The following ABCA13 variants were observed in gnomAD, a reference collection of about 807,000 sequenced individuals.
The protein encoded by ABCA13 is ATP binding cassette subfamily A member 13.
Under a neutral mutation model 478.7 loss-of-function variants are expected in ABCA13, and 476 were observed. The ratio of observed to expected loss-of-function variants is 0.99; its 90% CI spans 0.92 to 1.07. The LOEUF is 1.07. ABCA13 is among the 50% of genes least tolerant of loss of function. The pLI, the probability that ABCA13 is intolerant of heterozygous loss-of-function variation, is 0.00. For missense variants in ABCA13, 6,060 were observed against 5,910.6 expected (o/e 1.03, Z -0.83); for synonymous variants, 2,252 against 2,158.9 (o/e 1.04, Z -1.20).
chr7:48,408,148 C>A (rs1001322237), intron 39 of ABCA13, among the ~76,000 whole-genome samples: 5 of 152,174 alleles, frequency 3.3e-5, no homozygotes, highest in African/African-American at 7.2e-5. Flanking sequence ...ACTGTAGTCA[C>A]CATGCTGTAC....
At chr7:48,255,838 G>T (rs1336672061) in intron 15 of ABCA13, among the ~76,000 whole-genome samples, 1 of 152,150 alleles carries the variant, frequency 6.6e-6, no homozygotes, top group Admixed American at 6.6e-5. Flanking sequence ...TAATGGGACT[G>T]CTGGGTCAAA....
At position 48,495,599 on chromosome 7, in the gene ABCA13, A is replaced by G. The variant is rs115260041; in HGVS notation, c.13291+6255A>G. Among the ~76,000 whole-genome samples, 719 of 152,280 alleles carry G rather than the reference A, an allele frequency of 4.7e-3. 4 individuals are homozygous for G. Among genetic ancestry groups the G allele is most frequent in the African/African-American group, 0.016 (678 of 41,560 alleles). ...TCCATATCTTCACTGATCATTGAAG[A>G]TTACTGAACCTTCACTGAAGATCAT... is the stretch of plus-strand genomic sequence containing the variant. On this transcript the variant is annotated intron_variant, in intron 48 of 61. Transcript: ENST00000435803.
At chr7:48,290,940 GAAAAA>G (rs57470116) in intron 20 of ABCA13, among the ~76,000 whole-genome samples, 2 of 48,834 alleles carry the variant, frequency 4.1e-5, no homozygotes, top group Non-Finnish European at 9.6e-5. Flanking sequence ...CACACTCAGG[GAAAAA>G]AAAAAAAAAA....
At chr7:48,477,642 A>G (rs1377919901) in intron 45 of ABCA13, among the ~76,000 whole-genome samples, 1 of 151,474 alleles carries the variant, frequency 6.6e-6, no homozygotes, top group East Asian at 2.0e-4. Context: ...TCGCAAGGAC[A>G]AAAAACCAAA....
chr7:48,356,383 A>G (rs558300311), intron 31 of ABCA13, among the ~76,000 whole-genome samples: 1 of 151,234 alleles, frequency 6.6e-6, no homozygotes, highest in Admixed American at 6.6e-5. Context: ...CTTTTGGAAG[A>G]AGTCTTTTTT....
Position 48,427,856 on chromosome 7 carries a change from C to T in ABCA13, c.12550C>T (p.His4184Tyr). Residue 4184 changes from histidine (H) to tyrosine (Y), a missense_variant, in exon 42 of 62, where the codon CAT (histidine) becomes TAT (tyrosine). By Grantham distance (83) the His-to-Tyr change is moderately conservative. This residue lies in a region of ABCA13 where 1,627 missense variants were observed against 1,571.0 expected (regional missense o/e 1.04). Transcript: ENST00000435803. ...GCTGCAGAACCACAGGCCTACAGGA[C>T]ATCTGTCTGGCTACTGTAAGTACAG... is the stretch of plus-strand genomic sequence containing the variant. ...SELQNHRPTG[H>Y]LSGYCGSLAR... 6.2e-7 allele frequency: 1 copy of T among 1,604,418 alleles called. No individual in the cohort carries two copies. Among genetic ancestry groups the T allele is most frequent in the South Asian group, 1.1e-5 (1 of 89,128 alleles).
At chr7:48,285,860 A>T (rs1195246721) in intron 19 of ABCA13, among the ~76,000 whole-genome samples, 1 of 152,228 alleles carries the variant, frequency 6.6e-6, no homozygotes, top group Non-Finnish European at 1.5e-5. Context: ...CTTAAGTGAC[A>T]CATTTTATAT....
intron 15 of ABCA13, among the ~76,000 whole-genome samples, chr7:48,255,902 T>A (rs1442690330): frequency 6.6e-6 from 1 of 152,220 alleles, no homozygotes; most frequent in East Asian, 1.9e-4. Context: ...TTCCACGATG[T>A]TGATCTAATT....
At chr7:48,248,502 C>A in intron 14 of ABCA13, 58 bp downstream of exon 14, 1 of 1,331,538 alleles carries the variant, frequency 7.5e-7, no homozygotes, top group Non-Finnish European at 1.0e-6. Context: ...ATGATTTCAA[C>A]TGCCCCTTCT....
chr7:48,203,010 TG>T (rs1799028927), intron 3 of ABCA13, among the ~76,000 whole-genome samples: 1 of 151,964 alleles, frequency 6.6e-6, no homozygotes, highest in Non-Finnish European at 1.5e-5. Context: ...CCCACGGAGG[TG>T]GGGGAAGGCT....
At chr7:48,607,390 C>G (rs1393580303) in intron 58 of ABCA13, among the ~76,000 whole-genome samples, 2 of 149,192 alleles carry the variant, frequency 1.3e-5, no homozygotes, top group Non-Finnish European at 3.0e-5. Flanking sequence ...TCCAACCAGT[C>G]TCAATGAGAT....
At chr7:48,542,975 G>T (rs899288179) in intron 55 of ABCA13, among the ~76,000 whole-genome samples, 1 of 151,514 alleles carries the variant, frequency 6.6e-6, no homozygotes, top group African/African-American at 2.4e-5. Context: ...TTGCTTAATC[G>T]ATAAGAGAAA....
chr7:48,426,745 T>C (rs1172309784), intron 41 of ABCA13, among the ~76,000 whole-genome samples: 1 of 152,182 alleles, frequency 6.6e-6, no homozygotes, highest in Non-Finnish European at 1.5e-5. Context: ...GCTTTGTGCA[T>C]GGCCCACAGA....
At chr7:48,491,732 G>A (rs928638620) in intron 48 of ABCA13, among the ~76,000 whole-genome samples, 1 of 152,160 alleles carries the variant, frequency 6.6e-6, no homozygotes, top group Non-Finnish European at 1.5e-5. Context: ...TATTGATAAA[G>A]AACTCCCACG....
At position 48,275,929 on chromosome 7, in the gene ABCA13, G is replaced by A; in HGVS notation, c.6263G>A (p.Ser2088Asn). The A allele has an allele frequency of 6.2e-7, 1 of 1,613,666 alleles. No individual in the cohort carries two copies. The highest frequency in any genetic ancestry group is 1.3e-5 in the African/African-American group (1 of 75,044). The part of the protein sequence containing the change: ...LLSEMNKGIK[S>N]INSMALQKIT... ...TCTGAAATGAACAAAGGAATCAAAAGTATAAATTCAATGGCTCTTCAAAAG... is the reference window on the plus strand; with the variant it reads ...TCTGAAATGAACAAAGGAATCAAAAATATAAATTCAATGGCTCTTCAAAAG... Residue 2088 changes from serine (S) to asparagine (N), a missense_variant, in exon 17 of 62, where the codon AGT becomes AAT. Coordinates refer to ENST00000435803, the MANE Select transcript of ABCA13 (RefSeq NM_152701.5).
chr7:48,193,353 A>T (rs2128896514), intron 2 of ABCA13, among the ~76,000 whole-genome samples: 1 of 152,304 alleles, frequency 6.6e-6, no homozygotes, highest in African/African-American at 2.4e-5. Context: ...GAGAAGAAGT[A>T]GAAGTGGGAG....
At chr7:48,476,404 CTT>C (rs911145526) in intron 45 of ABCA13, among the ~76,000 whole-genome samples, 2 of 152,020 alleles carry the variant, frequency 1.3e-5, no homozygotes. Context: ...GTGAGCAAGA[CTT>C]TTTTATATGT....
chr7:48,388,657 A>G (rs1815561210), intron 36 of ABCA13, among the ~76,000 whole-genome samples: 1 of 152,288 alleles, frequency 6.6e-6, no homozygotes, highest in African/African-American at 2.4e-5. Flanking sequence ...TGAATCTTTT[A>G]GAAAATGTGG....
chr7:48,633,828 G>A lies in ABCA13; in HGVS notation c.14838-9460G>A, dbSNP rs554815280. Among the ~76,000 whole-genome samples the A allele has an allele frequency of 1.0e-3, 157 of 152,164 alleles. 2 individuals are homozygous for A. The Middle Eastern group carries it at 0.014, about 13-fold the overall frequency. On this transcript the variant is annotated intron_variant, in intron 59 of 61. Transcript: ENST00000435803. ...CACCTTAACCTGGGAGACAGAAATTGCAGTGAGCCAAGATTGCACTGCTGC... is the reference window on the plus strand; with the variant it reads ...CACCTTAACCTGGGAGACAGAAATTACAGTGAGCCAAGATTGCACTGCTGC...
Sources: allele counts gnomAD v4.1 joint callset (sites outside exome capture counted in the v4.1 genomes callset), GRCh38; gene constraint gnomAD v4.1.1; regional missense constraint gnomAD v4.1.1; transcripts MANE v1.5; gene names NCBI Gene and HGNC (gene_info 2026-07-23, HGNC 2026-07-21).